The following EXOSC9 variants were observed in gnomAD, a reference collection of about 807,000 sequenced individuals.
The protein encoded by EXOSC9 is exosome complex component RRP45.
Under a neutral mutation model 56.5 loss-of-function variants are expected in EXOSC9, and 38 were observed. The observed-to-expected ratio is 0.67, with a 90% CI of 0.52 to 0.88. EXOSC9 has a LOEUF of 0.88. EXOSC9 is among the 40% of genes least tolerant of loss of function. The pLI is 0.00. For missense variants in EXOSC9, 559 were observed against 530.5 expected (o/e 1.05, Z -0.53); for synonymous variants, 170 against 170.8 (o/e 0.99, Z 0.04).
At chr4:121,814,140 TTATATTATC>T (rs1578506993) in intron 10 of EXOSC9, 93 bp downstream of exon 10, 2 of 769,506 alleles carry the variant, frequency 2.6e-6, no homozygotes, top group East Asian at 2.7e-5. Context: ...GTGTGTATAT[TTATATTATC>T]ACTGTATATA....
chr4:121,816,883 T>C lies in EXOSC9; in HGVS notation c.*27T>C. 1.3e-6 allele frequency: 2 copies of C among 1,512,234 alleles called. No individual in the cohort carries two copies. The highest frequency in any genetic ancestry group is 1.3e-5 in the South Asian group (1 of 79,068). The allele number at this position is 1,512,234 out of a possible 1,614,324, so 93.7% of individuals were successfully genotyped here. ...GCTAACAGTTGTATATCTGTATATA[T>C]AACTATTAAAAGGGATATTTATTCC... is the stretch of plus-strand genomic sequence containing the variant. On this transcript the variant is annotated 3_prime_UTR_variant, in exon 12 of 12. Coordinates refer to ENST00000243498, the MANE Select transcript of EXOSC9 (RefSeq NM_005033.3).
At chr4:121,806,562 T>C (rs546887346) in intron 5 of EXOSC9, among the ~76,000 whole-genome samples, 39 of 152,114 alleles carry the variant, frequency 2.6e-4, no homozygotes, top group Non-Finnish European at 4.4e-4. Context: ...TTCAGAGACT[T>C]CAATGCAAGT....
chr4:121,801,550 A>C, intron 1 of EXOSC9, 60 bp downstream of exon 1: 1 of 1,512,316 alleles, frequency 6.6e-7, no homozygotes. Context: ...CAAGGTGTGG[A>C]CTGATACCTG....
At chr4:121,804,878 ATTTG>A (rs1553928034) in intron 5 of EXOSC9, 119 bp downstream of exon 5, 7 of 789,264 alleles carry the variant, frequency 8.9e-6, no homozygotes, top group Non-Finnish European at 9.4e-6. Flanking sequence ...GTTTCTAAAA[ATTTG>A]TTTGTAAGAC....
chr4:121,808,663 GTTTCTT>G lies in EXOSC9; in HGVS notation c.605+1050_605+1055del, dbSNP rs1265608467. On this transcript the variant is annotated intron_variant, in intron 6 of 11. Transcript: ENST00000243498. ...CGGGGATGAGCCACCATGCCTGGCTGTTTCTTTTTCTTTTCTTTTCTTTTTTTTTTT... is the reference window on the plus strand; with the variant it reads ...CGGGGATGAGCCACCATGCCTGGCTGTTTCTTTTCTTTTCTTTTTTTTTTT... 2.0e-5 allele frequency among the ~76,000 whole-genome samples: 3 copies of G among 149,544 alleles called. No homozygotes were observed. The East Asian group carries it at 6.0e-4, about 30-fold the overall frequency.
rs201224124 is a variant in EXOSC9, at chr4:121,816,788, G to A, written c.1252G>A (p.Ala418Thr). 2 of 1,599,266 alleles carry A rather than the reference G, an allele frequency of 1.3e-6. No homozygotes were observed. The highest frequency in any genetic ancestry group is 1.4e-5 in the African/African-American group (1 of 73,802). Residue 418 changes from alanine to threonine, a missense_variant, in exon 12 of 12, where the codon GCA becomes ACA. Transcript: ENST00000243498. ...PKKIRTQTTS[A>T]KQEKAPSKKP... ...TATTCACAGAACACAGACCACCAGT[G>A]CAAAACAAGAAAAAGCACCAAGTAA...
chr4:121,801,854 T>G lies in EXOSC9; in HGVS notation c.94T>G (p.Tyr32Asp). ...GCTGGATGGCAGACAAACCTATGATTATAGGAACATCAGGATCTCATTTGG... is the reference window on the plus strand; with the variant it reads ...GCTGGATGGCAGACAAACCTATGATGATAGGAACATCAGGATCTCATTTGG... ...KRLDGRQTYD[Y>D]RNIRISFGTD... Residue 32 changes from tyrosine (Y) to aspartate (D), a missense_variant, in exon 2 of 12, where the codon TAT (tyrosine) becomes GAT (aspartate). By Grantham distance (160) the Tyr-to-Asp change is radical. Transcript: ENST00000243498. 6.2e-7 allele frequency: 1 copy of G among 1,613,818 alleles called. No homozygotes were observed. The highest frequency in any genetic ancestry group is 8.5e-7 in the Non-Finnish European group (1 of 1,179,660).
In EXOSC9 at chr4:121,804,697, A is replaced by G. The variant is rs777364612; in HGVS notation, c.460A>G (p.Ile154Val). Residue 154 changes from isoleucine (I) to valine (V), a missense_variant, in exon 5 of 12, where the codon ATC (isoleucine) becomes GTC (valine). Coordinates refer to ENST00000243498, the MANE Select transcript of EXOSC9 (RefSeq NM_005033.3). ...TATTGATGCTGCCAGCATTGCTGCA[A>G]TCGTGGCCTTATGTCATTTCCGAAG... ...NIIDAASIAA[I>V]VALCHFRRPD... The G allele has an allele frequency of 9.3e-6, 15 of 1,612,502 alleles. No homozygotes were observed. The highest frequency in any genetic ancestry group is 8.9e-5 in the East Asian group (4 of 44,874).
At position 121,801,342 on chromosome 4, in the gene EXOSC9, G is replaced by GC. The variant is rs1560620884; in HGVS notation, c.-83_-82insC. The GC allele has an allele frequency of 7.3e-7, 1 of 1,363,402 alleles. No homozygotes were observed. 84.5% of individuals were successfully genotyped at this position (1,363,402 alleles called of 1,614,324 possible). On this transcript the variant is annotated 5_prime_UTR_variant, in exon 1 of 12. Coordinates refer to ENST00000243498, the MANE Select transcript of EXOSC9 (RefSeq NM_005033.3). The stretch of plus-strand genomic sequence containing the variant: ...GATGACGTAATTTTCCTGCGCCTCG[G>GC]GGCGAGCAGCGGCGCGCAAGGAAAG...
At chr4:121,811,930 G>GA (rs1419503837) in intron 8 of EXOSC9, among the ~76,000 whole-genome samples, 1 of 152,198 alleles carries the variant, frequency 6.6e-6, no homozygotes, top group Non-Finnish European at 1.5e-5. Context: ...AAGTATTAAT[G>GA]AAACTGGTTC....
In EXOSC9 at chr4:121,813,976, GTGAT is replaced by G; in HGVS notation, c.1086_1089del (p.Asp363LysfsTer8). ...GAGAAGGAAGATGATGAAGGCGGTGGTGATCAAGCTATCATTCTTGATGGTATAA... is the reference window on the plus strand; with the variant it reads ...GAGAAGGAAGATGATGAAGGCGGTGGCAAGCTATCATTCTTGATGGTATAA... On this transcript the variant is annotated frameshift_variant, in exon 10 of 12. Coordinates refer to ENST00000243498, the MANE Select transcript of EXOSC9 (RefSeq NM_005033.3). LOFTEE classifies it high-confidence loss of function. 1 of 1,613,764 alleles carries G rather than the reference GTGAT, an allele frequency of 6.2e-7. No homozygotes were observed. Among genetic ancestry groups the G allele is most frequent in the Non-Finnish European group, 8.5e-7 (1 of 1,179,740 alleles).
At chr4:121,805,933 G>A (rs1359099041) in intron 5 of EXOSC9, among the ~76,000 whole-genome samples, 2 of 151,336 alleles carry the variant, frequency 1.3e-5, no homozygotes, top group African/African-American at 4.9e-5. Context: ...AGTCTCCTGA[G>A]TAGTGGGGAC....
chr4:121,815,284 AGTT>A (rs1274828160), intron 10 of EXOSC9: 1 of 782,252 alleles, frequency 1.3e-6, no homozygotes, highest in East Asian at 1.3e-4. Flanking sequence ...TGAAGATGTA[AGTT>A]GTTTCCATTT....
In EXOSC9 at chr4:121,814,167, A is replaced by G. The variant is rs1724386089; in HGVS notation, c.1156+120A>G. 2.8e-5 allele frequency: 17 copies of G among 614,202 alleles called. No homozygotes were observed. The South Asian group carries it at 3.0e-4, about 11-fold the overall frequency. 38.0% of individuals were successfully genotyped at this position (614,202 alleles called of 1,614,324 possible). On this transcript the variant is annotated intron_variant, in intron 10 of 11. Transcript: ENST00000243498. ...ATATTATCACTGTATATAGTAATATATAGCATATTAGCTATATAGAGATGT... is the reference window on the plus strand; with the variant it reads ...ATATTATCACTGTATATAGTAATATGTAGCATATTAGCTATATAGAGATGT...
At chr4:121,801,706 A>G in intron 1 of EXOSC9, 121 bp from the exon 2 acceptor site, 1 of 881,572 alleles carries the variant, frequency 1.1e-6, no homozygotes. Flanking sequence ...ACTTTCCTGT[A>G]TGGGCGGGCT....
chr4:121,816,568 T>G (rs1724521073), intron 11 of EXOSC9, 121 bp downstream of exon 11: 2 of 808,438 alleles, frequency 2.5e-6, no homozygotes, highest in Admixed American at 6.4e-5. Context: ...CCTTTTTCAT[T>G]AGAGATCCAT....
intron 9 of EXOSC9, chr4:121,813,606 T>A: frequency 1.9e-6 from 1 of 539,678 alleles, no homozygotes; most frequent in East Asian, 2.9e-5. Context: ...TAAGGACCAA[T>A]TTAATTTAGT....
chr4:121,801,396 G>C lies in EXOSC9; in HGVS notation c.-29G>C. On this transcript the variant is annotated 5_prime_UTR_variant, in exon 1 of 12. Coordinates refer to ENST00000243498, the MANE Select transcript of EXOSC9 (RefSeq NM_005033.3). ...GGGTTCCGTTTTTCCCGCGGATTCT[G>C]GTGCCTGTGGGGCCGGTGACCCAAC... The C allele has an allele frequency of 6.2e-7, 1 of 1,608,016 alleles. No homozygotes were observed. The highest frequency in any genetic ancestry group is 8.5e-7 in the Non-Finnish European group (1 of 1,174,418).
At chr4:121,813,669 C>T in intron 9 of EXOSC9, 197 bp from the exon 10 acceptor site, 1 of 527,718 alleles carries the variant, frequency 1.9e-6, no homozygotes. Flanking sequence ...TTATTAATTG[C>T]ATCCATAAAA....
Sources: allele counts gnomAD v4.1 joint callset (sites outside exome capture counted in the v4.1 genomes callset), GRCh38; gene constraint gnomAD v4.1.1; transcripts MANE v1.5; gene names NCBI Gene and HGNC (gene_info 2026-07-23, HGNC 2026-07-21).